Variants in ACTA2 observed in about 807,000 individuals in gnomAD.
ACTA2 encodes actin, aortic smooth muscle.
Under a neutral mutation model 39.5 loss-of-function variants are expected in ACTA2, and 12 were observed. That is an observed-to-expected ratio of 0.30 (90% CI 0.19 to 0.49). The LOEUF is 0.49. Ranked by LOEUF, ACTA2 falls within the 20% of genes least tolerant of loss-of-function variation. The probability of loss-of-function intolerance (pLI) is 0.99; values close to 1 mark genes in which losing one functional copy is unlikely to be tolerated. For synonymous variants in ACTA2, 158 were observed against 180.6 expected, an observed-to-expected ratio of 0.88 and a Z score of 1.00; for missense variants, 236 against 498.8, an observed-to-expected ratio of 0.47 and a Z score of 5.02.
chr10:88,969,912 C>T (rs1392061683), intron 1 of ACTA2, among the ~76,000 whole-genome samples: 2 of 152,192 alleles, frequency 1.3e-5, no homozygotes, highest in African/African-American at 4.8e-5. Context: ...ATTGTAAACT[C>T]TGCCAAGGCC....
intron 1 of ACTA2, chr10:88,974,687 G>A (rs987457091): frequency 7.2e-5 from 11 of 152,268 alleles, no homozygotes; most frequent in African/African-American, 2.2e-4. Flanking sequence ...ACATTTCTGT[G>A]AATTCCACCA....
intron 8 of ACTA2, among the ~76,000 whole-genome samples, chr10:88,937,590 G>A (rs1395161425): frequency 6.6e-6 from 1 of 152,166 alleles, no homozygotes; most frequent in African/African-American, 2.4e-5. Context: ...AGAGGAATGA[G>A]GATAAAATTT....
chr10:88,964,372 A>G (rs1016780333), intron 1 of ACTA2, among the ~76,000 whole-genome samples: 2 of 152,226 alleles, frequency 1.3e-5, no homozygotes, highest in African/African-American at 4.8e-5. Flanking sequence ...AACAAAGAAC[A>G]ACACATTGGT....
At chr10:88,967,982 A>G (rs1052287646) in intron 1 of ACTA2, among the ~76,000 whole-genome samples, 1 of 152,306 alleles carries the variant, frequency 6.6e-6, no homozygotes, top group Non-Finnish European at 1.5e-5. Context: ...TCAAACAACT[A>G]TAGTAACCAG....
upstream of ACTA2, among the ~76,000 whole-genome samples, chr10:88,954,150 A>C (rs1477643598): frequency 6.6e-6 from 1 of 152,186 alleles, no homozygotes; most frequent in Non-Finnish European, 1.5e-5. Flanking sequence ...TGTGAGAAAA[A>C]TCCCAAAATG....
At chr10:88,938,957 C>G (rs1485390921) in intron 7 of ACTA2, among the ~76,000 whole-genome samples, 3 of 152,190 alleles carry the variant, frequency 2.0e-5, no homozygotes, top group Non-Finnish European at 4.4e-5. Context: ...GTAATTCTCA[C>G]AGCCATCCTA....
Position 88,935,253 on chromosome 10 carries a change from C to T in ACTA2, c.1104G>A (p.Gly368=). 1 of 1,613,720 alleles carries T rather than the reference C, an allele frequency of 6.2e-7. No individual in the cohort carries two copies. Among genetic ancestry groups the T allele is most frequent in the Non-Finnish European group, 8.5e-7 (1 of 1,179,868 alleles). Residue 368 remains glycine, a synonymous_variant, in exon 9 of 9, where the codon GGG becomes GGA. Coordinates refer to ENST00000224784, the MANE Select transcript of ACTA2 (RefSeq NM_001613.4). ...AGCATTTGCGGTGGACAATGGAAGG[C>T]CCGGCTTCATCGTATTCCTGTTTGC... ...WISKQEYDEA[G]PSIVHRKCF is the part of the protein sequence containing the mutation.
intron 4 of ACTA2, among the ~76,000 whole-genome samples, chr10:88,942,434 C>T (rs952719947): frequency 6.6e-6 from 1 of 152,152 alleles, no homozygotes; most frequent in Non-Finnish European, 1.5e-5. Flanking sequence ...TAATCTATTC[C>T]ACTTTTTTAT....
chr10:88,959,166 T>C (rs902208789), intron 1 of ACTA2, among the ~76,000 whole-genome samples: 1 of 152,248 alleles, frequency 6.6e-6, no homozygotes, highest in Non-Finnish European at 1.5e-5. Flanking sequence ...TTAAATTTTA[T>C]TTAATCTTAA....
chr10:88,941,706 C>A, intron 5 of ACTA2, 79 bp downstream of exon 5: 1 of 1,295,506 alleles, frequency 7.7e-7, no homozygotes, highest in Non-Finnish European at 1.1e-6. Context: ...CAGTCCGTCA[C>A]CCCCACGTGT....
chr10:88,970,589 T>C (rs1022288725), intron 1 of ACTA2, among the ~76,000 whole-genome samples: 10 of 152,110 alleles, frequency 6.6e-5, no homozygotes, highest in Non-Finnish European at 8.8e-5. Flanking sequence ...AGTCCAGAAA[T>C]TAGACAGTTG....
Position 88,938,262 on chromosome 10 carries a change from C to T in ACTA2, c.809-20G>A, listed in dbSNP as rs1279331218. On this transcript the variant is annotated intron_variant, in intron 7 of 8. Coordinates refer to ENST00000224784, the MANE Select transcript of ACTA2 (RefSeq NM_001613.4). ...CCATCCCTGGAAAAGAGACACAGGC[C>T]ATGGTCCTTAAGTGGAGAGTAAAAC... 1 of 1,613,844 alleles carries T rather than the reference C, an allele frequency of 6.2e-7. No individual in the cohort carries two copies. Among genetic ancestry groups the T allele is most frequent in the Non-Finnish European group, 8.5e-7 (1 of 1,179,818 alleles).
At chr10:88,989,345 AT>A (rs1847029310) in intron 1 of ACTA2, 4 of 233,318 alleles carry the variant, frequency 1.7e-5, no homozygotes, top group South Asian at 4.3e-5. Context: ...TTCTTTTTAC[AT>A]TTTTTTATTT....
upstream of ACTA2, among the ~76,000 whole-genome samples, chr10:88,955,396 T>C (rs1846121867): frequency 6.6e-6 from 1 of 152,224 alleles, no homozygotes; most frequent in Admixed American, 6.5e-5. Flanking sequence ...TTCATAAAAT[T>C]CATTTTTCTG....
In ACTA2 at chr10:88,938,073, G is replaced by A. The variant is rs766393962; in HGVS notation, c.978C>T (p.Thr326=). The change falls in exon 8 of 9, where the codon ACC becomes ACT. Residue 326 remains threonine (T), a synonymous_variant. Transcript: ENST00000224784. The stretch of plus-strand genomic sequence containing the variant: ...CACTGAACAGTACCTTGATCTTCAT[G>A]GTGCTGGGTGCTAGGGCCGTGATCT... ...QKEITALAPS[T]MKIKIIAPPE... 3.3e-5 allele frequency: 54 copies of A among 1,613,812 alleles called. No individual in the cohort carries two copies. Among genetic ancestry groups the A allele is most frequent in the Non-Finnish European group, 4.5e-5 (53 of 1,179,912 alleles).
chr10:88,938,564 C>A (rs150126140), intron 7 of ACTA2: 17 of 343,954 alleles, frequency 4.9e-5, no homozygotes, highest in Non-Finnish European at 8.4e-5. Context: ...AAAGCTTCCA[C>A]GCTGAGCCAA....
intron 6 of ACTA2, chr10:88,940,153 C>A (rs978566968): frequency 4.0e-6 from 1 of 251,116 alleles, no homozygotes; most frequent in East Asian, 1.0e-4. Flanking sequence ...AGTCTGAGAT[C>A]CTGTTGCCTG....
chr10:88,958,476 C>A (rs376447296), intron 1 of ACTA2, among the ~76,000 whole-genome samples: 4 of 152,216 alleles, frequency 2.6e-5, no homozygotes, highest in African/African-American at 9.6e-5. Flanking sequence ...TTGCATGGCC[C>A]CAGAGCTGGT....
At chr10:88,988,871 T>A (rs1847004204) in intron 1 of ACTA2, among the ~76,000 whole-genome samples, 1 of 152,178 alleles carries the variant, frequency 6.6e-6, no homozygotes, top group Non-Finnish European at 1.5e-5. Flanking sequence ...GTTTTCAAAT[T>A]AAAGTAACCC....
Sources: allele counts gnomAD v4.1 joint callset (sites outside exome capture counted in the v4.1 genomes callset), GRCh38; gene constraint gnomAD v4.1.1; transcripts MANE v1.5; gene names NCBI Gene and HGNC (gene_info 2026-07-23, HGNC 2026-07-21).